Variants in HMGCLL1 observed in about 807,000 individuals in gnomAD.
HMGCLL1 encodes the protein 3-hydroxymethyl-3-methylglutaryl-CoA lyase, cytoplasmic.
HMGCLL1 carries 36 observed loss-of-function variants against 39.1 expected under a neutral mutation model. That is an observed-to-expected ratio of 0.92 (90% CI 0.71 to 1.22). The LOEUF (loss-of-function observed/expected upper bound fraction) is 1.22, where lower values mean the gene tolerates loss of function less well. HMGCLL1 is among the 50% of genes most tolerant of loss of function. The pLI is 0.00. For synonymous variants in HMGCLL1, 149 were observed against 144.0 expected (o/e 1.03, Z -0.25); for missense variants, 451 against 416.5 (o/e 1.08, Z -0.72).
At chr6:55,484,910 A>T (rs1021611194) in intron 7 of HMGCLL1, among the ~76,000 whole-genome samples, 1 of 150,654 alleles carries the variant, frequency 6.6e-6, no homozygotes, top group African/African-American at 2.4e-5. Flanking sequence ...AAACCCTGTA[A>T]TTTTTTTTTT....
chr6:55,514,966 G>T (rs985010084), intron 4 of HMGCLL1, among the ~76,000 whole-genome samples: 1 of 151,956 alleles, frequency 6.6e-6, no homozygotes, highest in South Asian at 2.1e-4. Flanking sequence ...TTAACACATG[G>T]GGGGGAGGTC....
intron 7 of HMGCLL1, among the ~76,000 whole-genome samples, chr6:55,469,700 C>T (rs1334709658): frequency 1.3e-5 from 2 of 151,410 alleles, no homozygotes; most frequent in Admixed American, 1.3e-4. Context: ...GTAAGGTGGA[C>T]AAATTATAAA....
intron 1 of HMGCLL1, among the ~76,000 whole-genome samples, chr6:55,578,720 A>T (rs376096290): frequency 1.9e-4 from 29 of 152,218 alleles, no homozygotes; most frequent in African/African-American, 5.1e-4. Context: ...GGTCACAGGC[A>T]GGGATTTTGC....
At chr6:55,468,816 A>G (rs1237385657) in intron 7 of HMGCLL1, among the ~76,000 whole-genome samples, 2 of 151,976 alleles carry the variant, frequency 1.3e-5, no homozygotes, top group Non-Finnish European at 2.9e-5. Context: ...CACCTAACAT[A>G]TACCAGATAG....
chr6:55,436,747 A>AT (rs1763387031), intron 8 of HMGCLL1, among the ~76,000 whole-genome samples: 1 of 152,066 alleles, frequency 6.6e-6, no homozygotes, highest in African/African-American at 2.4e-5. Context: ...ATAACAATGA[A>AT]TATCATTTTA....
chr6:55,549,373 A>AGTGTGT (rs70986732), intron 1 of HMGCLL1, among the ~76,000 whole-genome samples: 42,743 of 145,314 alleles, frequency 0.29, 7,149 homozygotes, highest in Non-Finnish European at 0.39. Context: ...CAAATACAGA[A>AGTGTGT]GTGTGTGTGT....
chr6:55,561,745 T>G (rs751903403), intron 1 of HMGCLL1, among the ~76,000 whole-genome samples: 4 of 152,186 alleles, frequency 2.6e-5, no homozygotes, highest in African/African-American at 9.7e-5. Flanking sequence ...AGATTCCAAT[T>G]TTTATATTAC....
At chr6:55,558,305 C>T (rs115723209) in intron 1 of HMGCLL1, among the ~76,000 whole-genome samples, 1,557 of 152,212 alleles carry the variant, frequency 0.01, 36 homozygotes, top group African/African-American at 0.036. Context: ...TGTGGGTTAT[C>T]GTTAGATGAA....
the HMGCLL1 span, among the ~76,000 whole-genome samples, chr6:55,627,913 A>ATATAT: frequency 8.5e-4 from 1 of 1,176 alleles, no homozygotes; most frequent in African/African-American, 2.8e-3. Flanking sequence ...TATATACTAT[A>ATATAT]TATATATAAT....
At chr6:55,481,525 T>C (rs1464551911) in intron 7 of HMGCLL1, among the ~76,000 whole-genome samples, 1 of 151,804 alleles carries the variant, frequency 6.6e-6, no homozygotes, top group African/African-American at 2.4e-5. Flanking sequence ...TAAATATATA[T>C]AACTACTATG....
At chr6:55,640,925 C>A in the HMGCLL1 span, among the ~76,000 whole-genome samples, 1 of 151,756 alleles carries the variant, frequency 6.6e-6, no homozygotes, top group Non-Finnish European at 1.5e-5. Context: ...TCCACTATAT[C>A]CTTATATTTT....
intron 1 of HMGCLL1, among the ~76,000 whole-genome samples, chr6:55,567,934 C>T (rs1331140829): frequency 6.6e-6 from 1 of 152,058 alleles, no homozygotes; most frequent in Non-Finnish European, 1.5e-5. Flanking sequence ...GAAACCACAG[C>T]TTTTGTTTAT....
chr6:55,632,677 T>C, the HMGCLL1 span, among the ~76,000 whole-genome samples: 1 of 152,050 alleles, frequency 6.6e-6, no homozygotes, highest in Admixed American at 6.6e-5. Context: ...AAAAGTGAAT[T>C]TTGTATATAC....
intron 7 of HMGCLL1, among the ~76,000 whole-genome samples, chr6:55,448,871 C>T (rs770191824): frequency 3.3e-5 from 5 of 152,096 alleles, no homozygotes; most frequent in Non-Finnish European, 5.9e-5. Flanking sequence ...CCAGAACACA[C>T]TTGAGTGGCA....
chr6:55,524,802 G>A lies in HMGCLL1; in HGVS notation c.298-8199C>T, dbSNP rs149233814. ...AAATTTCATATTTCCTGGTTCCAGT[G>A]TTTGTGATGAGGGACCTTGACAGAT... is the stretch of plus-strand genomic sequence containing the variant. On this transcript the variant is annotated intron_variant, in intron 3 of 8. Coordinates refer to ENST00000274901, the MANE Select transcript of HMGCLL1 (RefSeq NM_001042406.2). Among the ~76,000 whole-genome samples, 559 of 151,896 alleles carry A rather than the reference G, an allele frequency of 3.7e-3. 1 individual carries two copies. The highest frequency in any genetic ancestry group is 0.013 in the African/African-American group (548 of 41,478).
chr6:55,612,247 C>A, the HMGCLL1 span, among the ~76,000 whole-genome samples: 14 of 151,946 alleles, frequency 9.2e-5, no homozygotes, highest in South Asian at 1.0e-3. Flanking sequence ...CAAGGGATGC[C>A]AAGGGCCTTT....
chr6:55,613,694 G>T, the HMGCLL1 span, among the ~76,000 whole-genome samples: 1 of 152,068 alleles, frequency 6.6e-6, no homozygotes, highest in African/African-American at 2.4e-5. Flanking sequence ...ACCAAACACT[G>T]CATTTTCTCA....
chr6:55,631,136 T>G, the HMGCLL1 span, among the ~76,000 whole-genome samples: 9 of 152,198 alleles, frequency 5.9e-5, no homozygotes, highest in Non-Finnish European at 1.0e-4. Context: ...AATACCTCTC[T>G]CTAATATTAA....
At chr6:55,463,275 G>A (rs10456184) in intron 7 of HMGCLL1, among the ~76,000 whole-genome samples, 45,462 of 151,622 alleles carry the variant, frequency 0.3, 7,654 homozygotes, top group Non-Finnish European at 0.36. Flanking sequence ...CAGGCAAACC[G>A]CCTACCTCGG....
Sources: gnomAD v4.1 joint callset for allele counts (sites outside exome capture counted in the v4.1 genomes callset) on GRCh38, gnomAD v4.1.1 for gene constraint, MANE v1.5 for transcripts, NCBI Gene and HGNC (gene_info 2026-07-23, HGNC 2026-07-21) for gene names.